KNL1: variants seen among roughly 807,000 people sequenced by gnomAD.
The protein encoded by KNL1 is outer kinetochore KNL1 complex subunit KNL1.
A neutral mutation model predicts 201.3 loss-of-function variants in KNL1; 66 were observed. The observed-to-expected ratio is 0.33, with a 90% confidence interval of 0.27 to 0.40. The LOEUF is 0.40. Ranked by LOEUF, KNL1 falls within the 10% of genes least tolerant of loss-of-function variation. The pLI is 1.00. For missense variants in KNL1, 2,815 were observed against 2,690.5 expected (o/e 1.05, Z -1.02); for synonymous variants, 895 against 899.2 (o/e 1.00, Z 0.08).
Position 40,602,919 on chromosome 15 carries a change from G to T in KNL1, c.-13G>T, listed in dbSNP as rs747274892. On this transcript the variant is annotated 5_prime_UTR_variant, in exon 2 of 26. Transcript: ENST00000399668. ...AATATTGTATATTTGTTACAGAAAA[G>T]TTTTCTTCAAAAATGGATGGGGTGT... 1.5e-5 allele frequency: 24 copies of T among 1,567,832 alleles called. No individual in the cohort carries two copies. Among genetic ancestry groups the T allele is most frequent in the Non-Finnish European group, 2.0e-5 (23 of 1,143,376 alleles).
chr15:40,650,688 T>C, intron 19 of KNL1, 105 bp downstream of exon 19: 4 of 1,050,486 alleles, frequency 3.8e-6, no homozygotes, highest in Non-Finnish European at 5.3e-6. Context: ...TGAGTCTTGA[T>C]TGAGGCTGAC....
chr15:40,638,336 G>A (rs1893120833), intron 13 of KNL1, among the ~76,000 whole-genome samples: 1 of 151,596 alleles, frequency 6.6e-6, no homozygotes, highest in South Asian at 2.1e-4. Flanking sequence ...TAGAGATGGG[G>A]TCTCACTTCC....
chr15:40,662,592 A>G lies in KNL1; in HGVS notation c.*404A>G. The G allele has an allele frequency of 4.7e-6, 1 of 212,744 alleles. No homozygotes were observed. Among genetic ancestry groups the G allele is most frequent in the East Asian group, 7.2e-5 (1 of 13,970 alleles). The allele number at this position is 212,744 out of a possible 1,614,324, so 13.2% of individuals were successfully genotyped here. On this transcript the variant is annotated 3_prime_UTR_variant, in exon 26 of 26. Coordinates refer to ENST00000399668, the MANE Select transcript of KNL1 (RefSeq NM_144508.5). ...TTTTTAGGTTGCCTGGCTTCTGCCT[A>G]GCAGATATTTCTGGAGTAGAAATGT...
intron 8 of KNL1, chr15:40,615,647 G>A (rs1292186843): frequency 1.2e-5 from 2 of 165,942 alleles, no homozygotes; most frequent in Non-Finnish European, 2.6e-5. Context: ...CGCTCCTGTA[G>A]TCCCAGCTAC....
Position 40,623,861 on chromosome 15 carries a change from T to C in KNL1, c.3597T>C (p.Val1199=), listed in dbSNP as rs1567009560. The C allele has an allele frequency of 6.2e-7, 1 of 1,613,576 alleles. No homozygotes were observed. Among genetic ancestry groups the C allele is most frequent in the Non-Finnish European group, 8.5e-7 (1 of 1,179,906 alleles). ...TAGGAAAAGGAAAAAACTTGGGTGT[T>C]TCCTTTCCTAAGGATAATAGCTGTG... ...FGIGKGKNLG[V]SFPKDNSCVQ... is the part of the protein sequence containing the mutation. The change falls in exon 10 of 26, where the codon GTT becomes GTC. Residue 1199 remains valine, a synonymous_variant. Coordinates refer to ENST00000399668, the MANE Select transcript of KNL1 (RefSeq NM_144508.5).
In KNL1 at chr15:40,627,198, T is replaced by C. The variant is rs1892779156; in HGVS notation, c.5377-872T>C. On this transcript the variant is annotated intron_variant, in intron 10 of 25. Coordinates refer to ENST00000399668, the MANE Select transcript of KNL1 (RefSeq NM_144508.5). ...GCGTGAGCCACAGCGCCCAGCCCCC[T>C]TAATAGCATTTACATAAAAGAATAT... Among the ~76,000 whole-genome samples the C allele has an allele frequency of 2.0e-5, 3 of 152,188 alleles. No homozygotes were observed. In the South Asian group the frequency reaches 6.2e-4, roughly 31 times the overall value.
chr15:40,625,845 A>G, intron 10 of KNL1: 1 of 474,994 alleles, frequency 2.1e-6, no homozygotes, highest in East Asian at 3.4e-5. Context: ...ATTTAAAGTG[A>G]CAAATAGTCA....
Position 40,647,172 on chromosome 15 carries a change from A to G in KNL1, c.6094+98A>G, listed in dbSNP as rs546972301. 2.2e-4 allele frequency: 150 copies of G among 686,394 alleles called. No homozygotes were observed. The African/African-American group carries it at 2.7e-3, about 12-fold the overall frequency. 42.5% of individuals were successfully genotyped at this position (686,394 alleles called of 1,614,324 possible). On this transcript the variant is annotated intron_variant, in intron 17 of 25. Coordinates refer to ENST00000399668, the MANE Select transcript of KNL1 (RefSeq NM_144508.5). ...TGGTACCACGATATTGAAGACTTGT[A>G]TTAGCAACTTGAGATATTAAATTAG...
Position 40,610,271 on chromosome 15 carries a change from A to C in KNL1, c.224A>C (p.Lys75Thr). The C allele has an allele frequency of 1.3e-6, 2 of 1,529,942 alleles. No homozygotes were observed. The highest frequency in any genetic ancestry group is 1.8e-6 in the Non-Finnish European group (2 of 1,104,774). The allele number at this position is 1,529,942 out of a possible 1,614,324, so 94.8% of individuals were successfully genotyped here. ...GTATTCCAGACGGAGTCTCATATGA[A>C]AATAGTGAGAAAGTCAGAAATGGAA... ...IKVFQTESHM[K>T]IVRKSEMEET... is the part of the protein sequence containing the mutation. Residue 75 changes from lysine (K) to threonine (T), a missense_variant, in exon 6 of 26, where the codon AAA (lysine) becomes ACA (threonine). Coordinates refer to ENST00000399668, the MANE Select transcript of KNL1 (RefSeq NM_144508.5).
In KNL1 at chr15:40,628,059, G is replaced by T. The variant is rs897451337; in HGVS notation, c.5377-11G>T. 1 of 1,572,814 alleles carries T rather than the reference G, an allele frequency of 6.4e-7. No individual in the cohort carries two copies. The highest frequency in any genetic ancestry group is 1.2e-5 in the South Asian group (1 of 84,510). ...TTTATTCTGATGATATTCCTTAATT[G>T]ACAATTTCAGATTTTTGATCACCAT... On this transcript the variant is annotated splice_polypyrimidine_tract_variant and intron_variant, in intron 10 of 25. Transcript: ENST00000399668.
At chr15:40,631,118 AAAAAAT>A (rs1485936120) in intron 13 of KNL1, among the ~76,000 whole-genome samples, 3 of 152,034 alleles carry the variant, frequency 2.0e-5, no homozygotes, top group Admixed American at 1.3e-4. Flanking sequence ...ACCCTGTCTC[AAAAAAT>A]AAAAATAAAA....
chr15:40,660,256 TC>T (rs1893869160), intron 25 of KNL1, among the ~76,000 whole-genome samples: 1 of 152,042 alleles, frequency 6.6e-6, no homozygotes, highest in Non-Finnish European at 1.5e-5. Context: ...AGACCACTGG[TC>T]TATTCTTTTG....
chr15:40,612,972 C>T (rs950336571), intron 7 of KNL1, among the ~76,000 whole-genome samples: 1 of 152,104 alleles, frequency 6.6e-6, no homozygotes, highest in African/African-American at 2.4e-5. Context: ...TGGAAATTAT[C>T]TCACCAATAT....
chr15:40,605,105 T>G lies in KNL1; in HGVS notation c.36-5T>G. 6.9e-7 allele frequency: 1 copy of G among 1,445,320 alleles called. No individual in the cohort carries two copies. The highest frequency in any genetic ancestry group is 1.2e-5 in the South Asian group (1 of 86,942). 89.5% of individuals were successfully genotyped at this position (1,445,320 alleles called of 1,614,324 possible). Reference sequence around the variant, plus strand: ...TGTGTATATAATTTTGTTTTCCTTTTTCAGTGACAATATAGAGAGACCTGT... The same window carrying G: ...TGTGTATATAATTTTGTTTTCCTTTGTCAGTGACAATATAGAGAGACCTGT... On this transcript the variant is annotated splice_region_variant and splice_polypyrimidine_tract_variant and intron_variant, in intron 2 of 25. Transcript: ENST00000399668.
rs1893657784 is a variant in KNL1 at position 40,654,390 on chromosome 15, T to C, written c.6416-519T>C. Among the ~76,000 whole-genome samples the C allele has an allele frequency of 1.3e-5, 2 of 152,080 alleles. 1 individual carries two copies. The highest frequency in any genetic ancestry group is 4.8e-5 in the African/African-American group (2 of 41,412). ...TTAACAAATATAGCTGTGTACTACC[T>C]TTTAAATGTCCTTCAAAGACATACC... On this transcript the variant is annotated intron_variant, in intron 21 of 25. Coordinates refer to ENST00000399668, the MANE Select transcript of KNL1 (RefSeq NM_144508.5).
intron 5 of KNL1, among the ~76,000 whole-genome samples, chr15:40,609,558 A>G (rs900207651): frequency 2.6e-5 from 4 of 152,206 alleles, no homozygotes; most frequent in Admixed American, 2.0e-4. Context: ...ATCCCTTCCT[A>G]TGGAGTCCAT....
intron 1 of KNL1, among the ~76,000 whole-genome samples, chr15:40,595,810 A>G (rs574686488): frequency 1.3e-5 from 2 of 152,286 alleles, no homozygotes; most frequent in South Asian, 2.1e-4. Context: ...GTAAATAACT[A>G]CTATATTGGA....
At chr15:40,661,119 A>G (rs1893895413) in intron 25 of KNL1, among the ~76,000 whole-genome samples, 1 of 152,072 alleles carries the variant, frequency 6.6e-6, no homozygotes, top group Non-Finnish European at 1.5e-5. Flanking sequence ...CATGCCTGTA[A>G]TCCCAGCACT....
Position 40,622,427 on chromosome 15 carries a change from A to G in KNL1, c.2163A>G (p.Thr721=), listed in dbSNP as rs1252957712. 6 of 1,613,782 alleles carry G rather than the reference A, an allele frequency of 3.7e-6. No individual in the cohort carries two copies. In the East Asian group the frequency reaches 1.3e-4, roughly 36 times the overall value. The change falls in exon 10 of 26, where the codon ACA becomes ACG. Residue 721 remains threonine (T), a synonymous_variant. Coordinates refer to ENST00000399668, the MANE Select transcript of KNL1 (RefSeq NM_144508.5). ...KNHDTAISSH[T]VKSVLGQNSK... is the part of the protein sequence containing the mutation. ...ATGATACTGCTATAAGTAGTCATACAGTGAAATCTGTACTAGGCCAGAATT... is the reference window on the plus strand; with the variant it reads ...ATGATACTGCTATAAGTAGTCATACGGTGAAATCTGTACTAGGCCAGAATT...
Sources: gnomAD v4.1 joint callset for allele counts (sites outside exome capture counted in the v4.1 genomes callset) on GRCh38, gnomAD v4.1.1 for gene constraint, MANE v1.5 for transcripts, NCBI Gene and HGNC (gene_info 2026-07-23, HGNC 2026-07-21) for gene names.